Variants in THOC1 observed in about 807,000 individuals in gnomAD.
THOC1 encodes THO complex subunit 1.
THOC1 carries 29 observed loss-of-function variants against 97.3 expected under a neutral mutation model. That is an observed-to-expected ratio of 0.30 (90% confidence interval 0.22 to 0.41). The LOEUF (loss-of-function observed/expected upper bound fraction) is 0.41. Ranked by LOEUF, THOC1 falls within the 10% of genes least tolerant of loss-of-function variation. The pLI is 1.00. For synonymous variants in THOC1, 255 were observed against 257.0 expected (o/e 0.99, Z 0.07); for missense variants, 529 against 761.9 (o/e 0.69, Z 3.60).
In THOC1 at chr18:223,440, C is replaced by G; in HGVS notation, c.1370G>C (p.Arg457Thr). 6.4e-7 allele frequency: 1 copy of G among 1,554,500 alleles called. No homozygotes were observed. Among genetic ancestry groups the G allele is most frequent in the Non-Finnish European group, 8.7e-7 (1 of 1,148,138 alleles). The change falls in exon 17 of 21, where the codon AGG becomes ACG. Residue 457 changes from arginine (R) to threonine (T), a missense_variant and splice_region_variant. Arg to Thr is a moderately conservative substitution (Grantham distance 71). Coordinates refer to ENST00000261600, the MANE Select transcript of THOC1 (RefSeq NM_005131.3). ...DNMEACKSET[R>T]EHMPTLEEFF... ...TTCATTTGAAAAATGTTCAACTTGC[C>G]TTGTCTCTGATTTACAGGCTTCCAT...
Position 236,638 on chromosome 18 carries a change from C to T in THOC1, c.918+9686G>A, listed in dbSNP as rs999607949. 1.1e-4 allele frequency among the ~76,000 whole-genome samples: 16 copies of T among 152,142 alleles called. No homozygotes were observed. The East Asian group carries it at 3.1e-3, about 29-fold the overall frequency. On this transcript the variant is annotated intron_variant, in intron 11 of 20. Transcript: ENST00000261600. ...TCGGCCTCCCAAAGTGCTGGGATTACAGGCGTGAGCCACCGCGCCCGGCGA... is the reference window on the plus strand; with the variant it reads ...TCGGCCTCCCAAAGTGCTGGGATTATAGGCGTGAGCCACCGCGCCCGGCGA...
Position 237,253 on chromosome 18 carries a change from G to A in THOC1, c.918+9071C>T, listed in dbSNP as rs531276494. Among the ~76,000 whole-genome samples, 11 of 150,582 alleles carry A rather than the reference G, an allele frequency of 7.3e-5. No individual in the cohort carries two copies. The East Asian group carries it at 1.2e-3, about 16-fold the overall frequency. On this transcript the variant is annotated intron_variant, in intron 11 of 20. Transcript: ENST00000261600. ...TGGCTTACTACAACCTCTGCCTCCCGGGTTCAAGCAATTCTGCCTCAGCCT... is the reference window on the plus strand; with the variant it reads ...TGGCTTACTACAACCTCTGCCTCCCAGGTTCAAGCAATTCTGCCTCAGCCT...
chr18:231,457 T>G (rs1598293906), intron 11 of THOC1, among the ~76,000 whole-genome samples: 2 of 152,300 alleles, frequency 1.3e-5, no homozygotes, highest in East Asian at 3.9e-4. Flanking sequence ...AAAAAACATG[T>G]GCTAGAAAAT....
chr18:267,814 T>TA (rs1377920491), intron 1 of THOC1, among the ~76,000 whole-genome samples, 152 bp downstream of exon 1: 2 of 152,166 alleles, frequency 1.3e-5, no homozygotes, highest in East Asian at 3.9e-4. Flanking sequence ...CGTCTTTCCC[T>TA]ACCCCTCAAC....
intron 7 of THOC1, among the ~76,000 whole-genome samples, chr18:258,729 T>G (rs923843490): frequency 6.6e-6 from 1 of 152,120 alleles, no homozygotes; most frequent in Non-Finnish European, 1.5e-5. Context: ...AGGAGCTAGA[T>G]AGTGGTTATA....
At chr18:233,242 T>C (rs764658663) in intron 11 of THOC1, among the ~76,000 whole-genome samples, 5 of 152,330 alleles carry the variant, frequency 3.3e-5, no homozygotes, top group South Asian at 2.1e-4. Flanking sequence ...TACTGAGGTA[T>C]AGACTGAATT....
intron 17 of THOC1, among the ~76,000 whole-genome samples, chr18:221,639 C>G (rs371005021): frequency 8.1e-6 from 1 of 122,750 alleles, no homozygotes; most frequent in African/African-American, 3.1e-5. Flanking sequence ...GACGGAGTCT[C>G]GCTCTGTCGC....
intron 11 of THOC1, 130 bp from the exon 12 acceptor site, chr18:227,031 A>G: frequency 2.8e-6 from 2 of 717,300 alleles, no homozygotes; most frequent in Non-Finnish European, 4.6e-6. Flanking sequence ...TTGAGAGTTC[A>G]CTGCATGTGA....
chr18:256,286 T>C (rs1056710585), intron 7 of THOC1, among the ~76,000 whole-genome samples: 29 of 152,218 alleles, frequency 1.9e-4, no homozygotes, highest in African/African-American at 5.5e-4. Context: ...TAAAGAACAC[T>C]TGTGATTCAT....
At chr18:267,916 G>A (rs757835327) in intron 1 of THOC1, 50 bp downstream of exon 1, 4 of 1,555,802 alleles carry the variant, frequency 2.6e-6, no homozygotes, top group East Asian at 2.4e-5. Flanking sequence ...GGGAGAAGAG[G>A]ACAAAGCATA....
intron 12 of THOC1, 80 bp from the exon 13 acceptor site, chr18:225,483 G>C: frequency 9.2e-7 from 1 of 1,089,698 alleles, no homozygotes; most frequent in Non-Finnish European, 1.4e-6. Flanking sequence ...CACAAGGCAT[G>C]TAACATGTAA....
At chr18:257,726 G>A (rs1912479966) in intron 7 of THOC1, among the ~76,000 whole-genome samples, 1 of 151,774 alleles carries the variant, frequency 6.6e-6, no homozygotes, top group African/African-American at 2.4e-5. Context: ...ACTTATTTAA[G>A]GTATTGGCAT....
chr18:231,647 A>G (rs188550330), intron 11 of THOC1, among the ~76,000 whole-genome samples: 1 of 152,334 alleles, frequency 6.6e-6, no homozygotes, highest in Admixed American at 6.5e-5. Flanking sequence ...TACTTGTTAC[A>G]TATCTGTTAA....
chr18:231,110 C>CTATA (rs1482950504), intron 11 of THOC1, among the ~76,000 whole-genome samples: 1 of 152,014 alleles, frequency 6.6e-6, no homozygotes, highest in Non-Finnish European at 1.5e-5. Context: ...TTATCCTTAG[C>CTATA]TGTATGTATG....
intron 7 of THOC1, among the ~76,000 whole-genome samples, chr18:256,576 G>A (rs577551294): frequency 1.2e-4 from 19 of 152,298 alleles, no homozygotes; most frequent in African/African-American, 3.8e-4. Context: ...AAGATGCTGC[G>A]AACACTGTTG....
At chr18:266,292 T>A (rs993671572) in intron 1 of THOC1, among the ~76,000 whole-genome samples, 3 of 152,236 alleles carry the variant, frequency 2.0e-5, no homozygotes, top group Non-Finnish European at 4.4e-5. Flanking sequence ...ACTAACAGGC[T>A]GAGTAATTTG....
At chr18:226,316 AATGG>A (rs1217071779) in intron 12 of THOC1, 3 of 154,212 alleles carry the variant, frequency 1.9e-5, no homozygotes, top group Non-Finnish European at 2.9e-5. Flanking sequence ...GATAGGAGGA[AATGG>A]ATGGAAGTAT....
In THOC1 at chr18:265,565, G is replaced by T. The variant is rs764852778; in HGVS notation, c.55-35C>A. On this transcript the variant is annotated intron_variant, in intron 1 of 20. Coordinates refer to ENST00000261600, the MANE Select transcript of THOC1 (RefSeq NM_005131.3). ...AATTAAAATGGCAAATAATTGTAAA[G>T]ATTTTGCTTATTATTTGCTGAAAAA... 7 of 1,481,146 alleles carry T rather than the reference G, an allele frequency of 4.7e-6. No homozygotes were observed. The East Asian group carries it at 9.6e-5, about 20-fold the overall frequency. The allele number at this position is 1,481,146 out of a possible 1,614,324, so 91.8% of individuals were successfully genotyped here.
chr18:264,068 C>T lies in THOC1; in HGVS notation c.214G>A (p.Val72Ile), dbSNP rs760556024. 3.7e-6 allele frequency: 6 copies of T among 1,612,064 alleles called. No individual in the cohort carries two copies. Among genetic ancestry groups the T allele is most frequent in the Non-Finnish European group, 5.1e-6 (6 of 1,178,760 alleles). ...ATAGCAAGAGAAATAATAGCTAAAA[C>T]GTTTTCACATGATGAATGATTTATC... ...EIINHSSCEN[V>I]LAIISLAIGG... Residue 72 changes from valine (V) to isoleucine (I), a missense_variant, in exon 4 of 21, where the codon GTT becomes ATT. Physicochemically the swap from Val to Ile is conservative, Grantham distance 29. Coordinates refer to ENST00000261600, the MANE Select transcript of THOC1 (RefSeq NM_005131.3).
Sources: allele counts gnomAD v4.1 joint callset (sites outside exome capture counted in the v4.1 genomes callset), GRCh38; gene constraint gnomAD v4.1.1; transcripts MANE v1.5; gene names NCBI Gene and HGNC (gene_info 2026-07-23, HGNC 2026-07-21).